ZSWIM5: variants seen among roughly 807,000 people sequenced by gnomAD.
The protein encoded by ZSWIM5 is zinc finger SWIM-type containing 5, also known as zinc finger SWIM domain-containing protein 5.
Under a neutral mutation model 119.6 loss-of-function variants are expected in ZSWIM5, and 55 were observed. The observed-to-expected ratio is 0.46, with a 90% CI of 0.37 to 0.58. The LOEUF is 0.58. ZSWIM5 is among the 20% of genes least tolerant of loss of function. ZSWIM5 has a pLI of 0.00. For synonymous variants in ZSWIM5, 537 were observed against 606.9 expected, an observed-to-expected ratio of 0.88 and a Z score of 1.69; for missense variants, 1,193 against 1,512.8, an observed-to-expected ratio of 0.79 and a Z score of 3.51.
In ZSWIM5 at chr1:45,205,689, C is replaced by CCA. The variant is rs1345073787; in HGVS notation, c.595+66_595+67insTG. 2.2e-5 allele frequency: 31 copies of CCA among 1,398,892 alleles called. No homozygotes were observed. The African/African-American group carries it at 4.4e-4, about 20-fold the overall frequency. 86.7% of individuals were successfully genotyped at this position (1,398,892 alleles called of 1,614,324 possible). ...AGGCCGGGGTCTCGGCCCCAGGGCTCGGGCCGAGAAGAGGCACCCGCGGAA... is the reference window on the plus strand; with the variant it reads ...AGGCCGGGGTCTCGGCCCCAGGGCTCCAGGGCCGAGAAGAGGCACCCGCGGAA... On this transcript the variant is annotated intron_variant, in intron 1 of 13. Coordinates refer to ENST00000359600, the MANE Select transcript of ZSWIM5 (RefSeq NM_020883.2).
intron 5 of ZSWIM5, among the ~76,000 whole-genome samples, chr1:45,044,816 T>A (rs180936957): frequency 0.015 from 111 of 7,180 alleles, 38 homozygotes; most frequent in Non-Finnish European, 0.022. Context: ...TATATATATA[T>A]ATATAAATAT....
Position 45,019,893 on chromosome 1 carries a change from G to A in ZSWIM5, c.2695+173C>T, listed in dbSNP as rs1644876383. ...AAGCAGTGAAGACAGGGCTTGGGCT[G>A]GCTGAACAGAGGCCACCTTCTCCTA... On this transcript the variant is annotated intron_variant, in intron 13 of 13. Transcript: ENST00000359600. This position sits in a 1 kb window ranked among gnomAD's most constrained non-coding sequence, Gnocchi z 5.0. 6.6e-6 allele frequency among the ~76,000 whole-genome samples: 1 copy of A among 152,168 alleles called. No individual in the cohort carries two copies. Among genetic ancestry groups the A allele is most frequent in the African/African-American group, 2.4e-5 (1 of 41,440 alleles).
At chr1:45,096,959 G>A (rs1421246318) in intron 1 of ZSWIM5, among the ~76,000 whole-genome samples, 1 of 152,130 alleles carries the variant, frequency 6.6e-6, no homozygotes, top group African/African-American at 2.4e-5. Flanking sequence ...TGCTCCAAGT[G>A]CGACTTAGGA....
In ZSWIM5 at chr1:45,135,700, AT is replaced by A. The variant is rs529857365; in HGVS notation, c.596-47464del. ...ATAAGAAAACTGAAGACTATAAGCC[AT>A]TTTTTTTCTTTGACTTTTAATCTTC... On this transcript the variant is annotated intron_variant, in intron 1 of 13. Coordinates refer to ENST00000359600, the MANE Select transcript of ZSWIM5 (RefSeq NM_020883.2). 3.7e-3 allele frequency among the ~76,000 whole-genome samples: 564 copies of A among 152,102 alleles called. 9 individuals are homozygous for A. The highest frequency in any genetic ancestry group is 1.9e-3 in the Non-Finnish European group (132 of 67,978).
At chr1:45,036,970 T>A (rs1001423533) in intron 8 of ZSWIM5, among the ~76,000 whole-genome samples, 2 of 151,408 alleles carry the variant, frequency 1.3e-5, no homozygotes, top group African/African-American at 2.4e-5. Flanking sequence ...AGATAATTTT[T>A]AATTTTTTTT....
rs1362971429 is a variant in ZSWIM5 at position 45,206,600 on chromosome 1, G to C, written c.-250C>G. 25 of 931,408 alleles carry C rather than the reference G, an allele frequency of 2.7e-5. No individual in the cohort carries two copies. Among genetic ancestry groups the C allele is most frequent in the Non-Finnish European group, 2.8e-5 (22 of 780,248 alleles). 57.7% of individuals were successfully genotyped at this position (931,408 alleles called of 1,614,324 possible). On this transcript the variant is annotated 5_prime_UTR_variant, in exon 1 of 14. Coordinates refer to ENST00000359600, the MANE Select transcript of ZSWIM5 (RefSeq NM_020883.2). ...GCGGTGTCCTGGCCGCCGCGGACGCGAAGACAGGCGGGAGCGAGCGCGGGC... is the reference window on the plus strand; with the variant it reads ...GCGGTGTCCTGGCCGCCGCGGACGCCAAGACAGGCGGGAGCGAGCGCGGGC...
intron 1 of ZSWIM5, among the ~76,000 whole-genome samples, chr1:45,172,275 G>A (rs567419185): frequency 2.8e-4 from 42 of 152,010 alleles, no homozygotes; most frequent in Non-Finnish European, 5.2e-4. Context: ...AGTTGTACTC[G>A]TCTCTCAAAA....
At chr1:45,181,895 A>T (rs1223147405) in intron 1 of ZSWIM5, among the ~76,000 whole-genome samples, 1 of 152,180 alleles carries the variant, frequency 6.6e-6, no homozygotes, top group Non-Finnish European at 1.5e-5. Context: ...AGATTTTGTC[A>T]CCACCAGGCC....
Position 45,087,960 on chromosome 1 carries a change from G to T in ZSWIM5, c.873C>A (p.His291Gln). ...GTGCAGTAGGAAGAACTTCAGTGTGGTGTGCCGTGATTAAATATTGAATAA... is the reference window on the plus strand; with the variant it reads ...GTGCAGTAGGAAGAACTTCAGTGTGTTGTGCCGTGATTAAATATTGAATAA... ...QKFIQYLITA[H>Q]HTEVLPTAQK... The change falls in exon 2 of 14, where the codon CAC becomes CAA. Residue 291 changes from histidine (H) to glutamine (Q), a missense_variant. This residue lies in a region of ZSWIM5 where 961 missense variants were observed against 1,290.0 expected (regional missense o/e 0.74). Coordinates refer to ENST00000359600, the MANE Select transcript of ZSWIM5 (RefSeq NM_020883.2). 6.2e-7 allele frequency: 1 copy of T among 1,614,186 alleles called. No individual in the cohort carries two copies. Among genetic ancestry groups the T allele is most frequent in the African/African-American group, 1.3e-5 (1 of 75,054 alleles).
intron 11 of ZSWIM5, 141 bp downstream of exon 11, chr1:45,034,171 A>T: frequency 9.4e-7 from 1 of 1,059,018 alleles, no homozygotes; most frequent in Non-Finnish European, 1.3e-6. Flanking sequence ...TTCTAATGGC[A>T]GCAATCAAAG....
intron 1 of ZSWIM5, among the ~76,000 whole-genome samples, chr1:45,110,023 C>G (rs1645507361): frequency 6.6e-6 from 1 of 152,084 alleles, no homozygotes; most frequent in African/African-American, 2.4e-5. Context: ...CACCACCACA[C>G]CTGGCTAATT....
chr1:45,168,740 G>A (rs1006777894), intron 1 of ZSWIM5, among the ~76,000 whole-genome samples: 3 of 147,644 alleles, frequency 2.0e-5, no homozygotes, highest in Non-Finnish European at 4.5e-5. Flanking sequence ...TTTTAAGTTA[G>A]TTTTGAAAAT....
chr1:45,099,840 A>C (rs1275825682), intron 1 of ZSWIM5, among the ~76,000 whole-genome samples: 2 of 152,114 alleles, frequency 1.3e-5, no homozygotes, highest in African/African-American at 4.8e-5. Context: ...CTTCAACAAA[A>C]TTCAACAGCC....
intron 1 of ZSWIM5, among the ~76,000 whole-genome samples, chr1:45,166,968 CTACTT>C (rs1645908937): frequency 6.6e-6 from 1 of 152,090 alleles, no homozygotes; most frequent in Non-Finnish European, 1.5e-5. Flanking sequence ...TTGGAAAAAA[CTACTT>C]TAAAGTTCAG....
At chr1:45,197,707 A>T (rs1646134698) in intron 1 of ZSWIM5, among the ~76,000 whole-genome samples, 1 of 152,248 alleles carries the variant, frequency 6.6e-6, no homozygotes, top group South Asian at 2.1e-4. Flanking sequence ...CATGGATTTC[A>T]CTTTGTTTTG....
chr1:45,095,145 T>G (rs1223369071), intron 1 of ZSWIM5, among the ~76,000 whole-genome samples: 1 of 143,520 alleles, frequency 7.0e-6, no homozygotes, highest in Non-Finnish European at 1.5e-5. Flanking sequence ...TTTTTTTTTT[T>G]GAGACAGGGT....
intron 1 of ZSWIM5, among the ~76,000 whole-genome samples, chr1:45,160,914 C>T (rs569525935): frequency 3.3e-4 from 50 of 151,074 alleles, no homozygotes; most frequent in African/African-American, 1.0e-3. Context: ...CTCCGCCTCC[C>T]GGGTTCACGC....
At chr1:45,124,747 A>G (rs1645610386) in intron 1 of ZSWIM5, among the ~76,000 whole-genome samples, 1 of 152,222 alleles carries the variant, frequency 6.6e-6, no homozygotes, top group Non-Finnish European at 1.5e-5. Context: ...AATACAGGTA[A>G]GATTGTAAAA....
rs1235407708 is a variant in ZSWIM5, at chr1:45,058,771, G to C, written c.1102-12C>G. On this transcript the variant is annotated splice_polypyrimidine_tract_variant and intron_variant, in intron 3 of 13. Coordinates refer to ENST00000359600, the MANE Select transcript of ZSWIM5 (RefSeq NM_020883.2). ...AGCATTTCTCGAACCTGACACATAA[G>C]AAGTGGCAAGGGATTGGTGATTGTG... is the stretch of plus-strand genomic sequence containing the variant. The C allele has an allele frequency of 2.5e-6, 4 of 1,613,656 alleles. No individual in the cohort carries two copies. The Admixed American group carries it at 6.7e-5, about 27-fold the overall frequency.
Sources: gnomAD v4.1 joint callset for allele counts (sites outside exome capture counted in the v4.1 genomes callset) on GRCh38, gnomAD v4.1.1 for gene constraint, gnomAD v4.1.1 regional missense constraint, Gnocchi (gnomAD v3.1) non-coding constraint, MANE v1.5 for transcripts, NCBI Gene and HGNC (gene_info 2026-07-23, HGNC 2026-07-21) for gene names.